Variants in GBF1 observed in about 807,000 individuals in gnomAD.
GBF1 encodes golgi brefeldin A resistant guanine nucleotide exchange factor 1.
A neutral mutation model predicts 210.5 loss-of-function variants in GBF1; 114 were observed. That is an observed-to-expected ratio of 0.54 (90% confidence interval 0.47 to 0.63). The LOEUF is 0.63. Among genes scored for constraint, GBF1 ranks in the 30% least tolerant of loss-of-function variants. The pLI, the probability that GBF1 is intolerant of heterozygous loss-of-function variation, is 0.00. For synonymous variants in GBF1, 850 were observed against 889.2 expected, an observed-to-expected ratio of 0.96 and a Z score of 0.78; for missense variants, 1,851 against 2,357.7, an observed-to-expected ratio of 0.79 and a Z score of 4.45.
chr10:102,367,304 G>A (rs996483637), intron 20 of GBF1, 94 bp downstream of exon 20: 14 of 1,388,460 alleles, frequency 1.0e-5, no homozygotes, highest in Non-Finnish European at 1.4e-5. Context: ...TGATGGATGG[G>A]GTTCTGTCCA....
At chr10:102,310,209 A>AG (rs2078287997) in intron 3 of GBF1, among the ~76,000 whole-genome samples, 1 of 152,230 alleles carries the variant, frequency 6.6e-6, no homozygotes, top group Non-Finnish European at 1.5e-5. Context: ...CAGTAGCTGA[A>AG]AAAGACAAAA....
At chr10:102,296,964 G>A (rs1170357620) in intron 3 of GBF1, among the ~76,000 whole-genome samples, 1 of 151,524 alleles carries the variant, frequency 6.6e-6, no homozygotes, top group Non-Finnish European at 1.5e-5. Flanking sequence ...AGGATCGTTT[G>A]AACCCGGGAG....
intron 3 of GBF1, among the ~76,000 whole-genome samples, chr10:102,268,311 C>G (rs189094760): frequency 6.6e-6 from 1 of 152,156 alleles, no homozygotes; most frequent in Non-Finnish European, 1.5e-5. Flanking sequence ...GTTGAGGGGG[C>G]ACATTTTCTA....
At chr10:102,378,562 T>C (rs2060647734) in intron 33 of GBF1, among the ~76,000 whole-genome samples, 1 of 152,066 alleles carries the variant, frequency 6.6e-6, no homozygotes, top group African/African-American at 2.4e-5. Context: ...TTCTTGAGCC[T>C]AGGAGATCCA....
chr10:102,260,086 C>A lies in GBF1; in HGVS notation c.133C>A (p.His45Asn). The A allele has an allele frequency of 6.3e-7, 1 of 1,587,846 alleles. No individual in the cohort carries two copies. Among genetic ancestry groups the A allele is most frequent in the South Asian group, 1.1e-5 (1 of 90,416 alleles). The change falls in exon 3 of 40, where the codon CAT (histidine) becomes AAT (asparagine). Residue 45 changes from histidine (H) to asparagine (N), a missense_variant. Transcript: ENST00000369983. ...GGATCCTCTGCTGCATAGTTTCGGT[C>A]ATCTAAAGGAGGTTTTAAACAGTAT... ...ERDPLLHSFGHLKEVLNSITE... is the reference protein window; with the variant it reads ...ERDPLLHSFGNLKEVLNSITE...
intron 3 of GBF1, among the ~76,000 whole-genome samples, chr10:102,291,156 ATG>A (rs1398217192): frequency 6.6e-6 from 1 of 151,600 alleles, no homozygotes; most frequent in Non-Finnish European, 1.5e-5. Context: ...TTCTATTACT[ATG>A]AGCTATTCAC....
In GBF1 at chr10:102,366,679, C is replaced by T. The variant is rs866408872; in HGVS notation, c.2433+173C>T. On this transcript the variant is annotated intron_variant, in intron 19 of 39. Transcript: ENST00000369983. The surrounding 1 kb of genome is among the most constrained non-coding windows in gnomAD (Gnocchi z 4.0). The stretch of plus-strand genomic sequence containing the variant: ...TCAGCACACTGCAACCTCCACCCCC[C>T]GGGTTCAAGCAATTCTCCTGCCTTA... Among the ~76,000 whole-genome samples the T allele has an allele frequency of 2.6e-5, 4 of 151,880 alleles. No homozygotes were observed. The highest frequency in any genetic ancestry group is 4.2e-4 in the South Asian group (2 of 4,802).
chr10:102,240,553 A>G (rs912610934), upstream of GBF1, among the ~76,000 whole-genome samples: 5 of 152,230 alleles, frequency 3.3e-5, no homozygotes, highest in African/African-American at 1.2e-4. Flanking sequence ...GGGTAGACGG[A>G]CATGCCACCC....
intron 3 of GBF1, among the ~76,000 whole-genome samples, chr10:102,293,443 C>G (rs1312132041): frequency 2.0e-5 from 3 of 152,110 alleles, no homozygotes; most frequent in South Asian, 4.1e-4. Context: ...AGAATGTACT[C>G]TTTCTACTAA....
chr10:102,293,764 G>GTTTTTTTTT (rs1263151407), intron 3 of GBF1, among the ~76,000 whole-genome samples: 799 of 50,856 alleles, frequency 0.016, 247 homozygotes, highest in Non-Finnish European at 0.022. Context: ...GCTGTAGTAT[G>GTTTTTTTTT]TTTTGTGTTT....
intron 3 of GBF1, among the ~76,000 whole-genome samples, chr10:102,311,503 G>T (rs1376366366): frequency 6.6e-6 from 1 of 152,190 alleles, no homozygotes; most frequent in Non-Finnish European, 1.5e-5. Context: ...TTTTCTCCAG[G>T]ATGATCTTAC....
intron 3 of GBF1, among the ~76,000 whole-genome samples, chr10:102,340,267 CTTTTTTTTTT>C (rs1158590447): frequency 1.2e-5 from 1 of 83,526 alleles, no homozygotes; most frequent in African/African-American, 5.1e-5. Flanking sequence ...TGGTCCATGC[CTTTTTTTTTT>C]TTTTTTTTTT....
At chr10:102,290,119 C>T (rs996165161) in intron 3 of GBF1, among the ~76,000 whole-genome samples, 3 of 152,124 alleles carry the variant, frequency 2.0e-5, no homozygotes, top group Non-Finnish European at 4.4e-5. Flanking sequence ...AACAAAAACA[C>T]AAAAATCACT....
upstream of GBF1, among the ~76,000 whole-genome samples, chr10:102,244,128 A>AAAAC (rs369766503): frequency 4.6e-5 from 7 of 152,290 alleles, no homozygotes; most frequent in South Asian, 2.1e-4. Context: ...AGACTCTCTC[A>AAAAC]AAACAAACAA....
chr10:102,341,991 A>G (rs2058212870), intron 3 of GBF1, among the ~76,000 whole-genome samples: 1 of 151,792 alleles, frequency 6.6e-6, no homozygotes, highest in Non-Finnish European at 1.5e-5. Context: ...TACATAATTC[A>G]TGCTCCTAAA....
chr10:102,279,204 A>T (rs1427747328), intron 3 of GBF1, among the ~76,000 whole-genome samples: 1 of 152,212 alleles, frequency 6.6e-6, no homozygotes, highest in African/African-American at 2.4e-5. Flanking sequence ...AACTAAAAAG[A>T]GTTTGAAAAT....
chr10:102,355,548 C>T (rs1770935228), intron 8 of GBF1, among the ~76,000 whole-genome samples: 1 of 152,224 alleles, frequency 6.6e-6, no homozygotes, highest in Non-Finnish European at 1.5e-5. Context: ...TTCGTGAGAA[C>T]TGGCAGCCTC....
At chr10:102,265,375 C>T (rs1268600103) in intron 3 of GBF1, among the ~76,000 whole-genome samples, 2 of 152,060 alleles carry the variant, frequency 1.3e-5, no homozygotes, top group African/African-American at 4.8e-5. Context: ...AGGAGAGGAA[C>T]AGTCTAAAAG....
the GBF1 span, among the ~76,000 whole-genome samples, chr10:102,234,273 C>T: frequency 1.3e-5 from 2 of 152,172 alleles, no homozygotes; most frequent in Non-Finnish European, 2.9e-5. Context: ...CACTCCCCAC[C>T]CCACCTCTCA....
Sources: gnomAD v4.1 joint callset for allele counts (sites outside exome capture counted in the v4.1 genomes callset) on GRCh38, gnomAD v4.1.1 for gene constraint, Gnocchi (gnomAD v3.1) non-coding constraint, MANE v1.5 for transcripts, NCBI Gene and HGNC (gene_info 2026-07-23, HGNC 2026-07-21) for gene names.